The following CYTH4 variants were observed in gnomAD, a reference collection of about 807,000 sequenced individuals.
CYTH4 encodes cytohesin-4.
A neutral mutation model predicts 57.5 loss-of-function variants in CYTH4; 22 were observed. That is an observed-to-expected ratio of 0.38 (90% confidence interval 0.27 to 0.55). The LOEUF (loss-of-function observed/expected upper bound fraction) is 0.55. Ranked by LOEUF, CYTH4 falls within the 20% of genes least tolerant of loss-of-function variation. The pLI is 0.74. For missense variants in CYTH4, 420 were observed against 535.6 expected (o/e 0.78, Z 2.13); for synonymous variants, 186 against 206.5 (o/e 0.90, Z 0.85).
Position 37,311,102 on chromosome 22 carries a change from C to T in CYTH4, c.885+38C>T. The T allele has an allele frequency of 6.2e-7, 1 of 1,607,330 alleles. No homozygotes were observed. Among genetic ancestry groups the T allele is most frequent in the Non-Finnish European group, 8.5e-7 (1 of 1,174,098 alleles). On this transcript the variant is annotated intron_variant, in intron 10 of 12. Transcript: ENST00000248901. The surrounding 1 kb of genome is among the most constrained non-coding windows in gnomAD (Gnocchi z 4.4). ...CTCCTGGGCCTTCCCCTGCCCCCGC[C>T]TCTCCCCGCACAACCCACTTCCCAA...
chr22:37,289,360 G>A lies in CYTH4; in HGVS notation c.20-3261G>A, dbSNP rs545853989. On this transcript the variant is annotated intron_variant, in intron 1 of 12. Transcript: ENST00000248901. ...AAGTGGATGGCCAGGTGCCCTGCCT[G>A]AAGCCCTGCCCCCTGGGAGGACTTG... Among the ~76,000 whole-genome samples the A allele has an allele frequency of 3.3e-5, 5 of 152,312 alleles. No individual in the cohort carries two copies. The East Asian group carries it at 7.7e-4, about 23-fold the overall frequency.
intron 8 of CYTH4, among the ~76,000 whole-genome samples, chr22:37,305,957 A>G (rs550803470): frequency 6.6e-6 from 1 of 152,338 alleles, no homozygotes; most frequent in East Asian, 1.9e-4. Context: ...AGAGTCCCCA[A>G]GAAGCTCAGG....
At chr22:37,297,445 G>A (rs1929016164) in intron 4 of CYTH4, 119 bp from the exon 5 acceptor site, 2 of 842,050 alleles carry the variant, frequency 2.4e-6, no homozygotes, top group Admixed American at 2.0e-5. Flanking sequence ...AGAACAGACT[G>A]TGCCAACACC....
intron 7 of CYTH4, 55 bp downstream of exon 7, chr22:37,301,074 C>A: frequency 6.7e-7 from 1 of 1,493,378 alleles, no homozygotes; most frequent in Non-Finnish European, 9.2e-7. Flanking sequence ...CATTGCCAGG[C>A]ATAGATTTCA....
At chr22:37,304,783 G>C (rs1382471411) in intron 8 of CYTH4, among the ~76,000 whole-genome samples, 1 of 152,200 alleles carries the variant, frequency 6.6e-6, no homozygotes, top group Non-Finnish European at 1.5e-5. Context: ...CCGTTTGCCT[G>C]CTAGGTGACC....
intron 5 of CYTH4, 115 bp from the exon 6 acceptor site, chr22:37,299,111 C>A: frequency 1.4e-6 from 1 of 739,028 alleles, no homozygotes; most frequent in Non-Finnish European, 2.4e-6. Context: ...GGCAGCTGGA[C>A]CCCAGAAGGA....
chr22:37,302,068 T>C (rs1172613613), intron 7 of CYTH4: 1 of 169,126 alleles, frequency 5.9e-6, no homozygotes, highest in Non-Finnish European at 1.5e-5. Flanking sequence ...ACGCATGGAA[T>C]ATAGCTTCAG....
In CYTH4 at chr22:37,312,003, T is replaced by G; in HGVS notation, c.958-17T>G. 6.2e-7 allele frequency: 1 copy of G among 1,608,232 alleles called. No homozygotes were observed. The highest frequency in any genetic ancestry group is 1.1e-5 in the South Asian group (1 of 90,876). On this transcript the variant is annotated splice_polypyrimidine_tract_variant and intron_variant, in intron 11 of 12. Coordinates refer to ENST00000248901, the MANE Select transcript of CYTH4 (RefSeq NM_013385.5). ...GCCTCCCTCTCTTCCCACCCTTGCC[T>G]GGCCACCTCCCCACAGTTCTGCCTG...
chr22:37,289,282 G>T (rs184574206), intron 1 of CYTH4, among the ~76,000 whole-genome samples: 85 of 152,300 alleles, frequency 5.6e-4, no homozygotes, highest in African/African-American at 2.0e-3. Context: ...ATTCACCACT[G>T]CCCATGATGC....
intron 4 of CYTH4, chr22:37,296,300 G>A (rs1335992804): frequency 1.9e-5 from 11 of 568,334 alleles, no homozygotes; most frequent in South Asian, 1.0e-4. Flanking sequence ...AGGAGGCCAC[G>A]GTGTCCATGC....
intron 2 of CYTH4, 27 bp downstream of exon 2, chr22:37,292,730 G>A (rs781070785): frequency 1.6e-5 from 26 of 1,609,020 alleles, no homozygotes; most frequent in Middle Eastern, 3.3e-4. Flanking sequence ...GTCCACACAC[G>A]TGTCCATGCC....
intron 1 of CYTH4, among the ~76,000 whole-genome samples, chr22:37,287,719 G>C (rs1363889344): frequency 6.6e-6 from 1 of 152,218 alleles, no homozygotes. Flanking sequence ...GTGGGGGTCA[G>C]CAAACAAGGG....
chr22:37,287,885 G>A (rs576199265), intron 1 of CYTH4, among the ~76,000 whole-genome samples: 2 of 152,164 alleles, frequency 1.3e-5, no homozygotes, highest in East Asian at 1.9e-4. Context: ...GTGTTTGTGC[G>A]CTTAACGGGT....
Position 37,282,556 on chromosome 22 carries a change from C to T in CYTH4, c.-14C>T. On this transcript the variant is annotated 5_prime_UTR_variant, in exon 1 of 13. Coordinates refer to ENST00000248901, the MANE Select transcript of CYTH4 (RefSeq NM_013385.5). ...GACAGGAGCACGGGTCATCTTTTCC[C>T]CAGAGGCGTCGGAATGGACCTGTGC... 2 of 1,613,842 alleles carry T rather than the reference C, an allele frequency of 1.2e-6. No homozygotes were observed. Among genetic ancestry groups the T allele is most frequent in the Non-Finnish European group, 1.7e-6 (2 of 1,179,896 alleles).
chr22:37,309,255 A>C lies in CYTH4; in HGVS notation c.740A>C (p.Glu247Ala). The change falls in exon 9 of 13, where the codon GAG becomes GCG. Residue 247 changes from glutamate to alanine, a missense_variant. Physicochemically the swap from Glu to Ala is moderately radical, Grantham distance 107. Transcript: ENST00000248901. ...AAGAGTGAGCCATTCTCCATCCCTG[A>C]GGACGACGGCAATGACCTCACTCAC... is the stretch of plus-strand genomic sequence containing the variant. The part of the protein sequence containing the change: ...SIKSEPFSIP[E>A]DDGNDLTHTF... 6.2e-7 allele frequency: 1 copy of C among 1,614,154 alleles called. No individual in the cohort carries two copies. Among genetic ancestry groups the C allele is most frequent in the South Asian group, 1.1e-5 (1 of 91,084 alleles).
intron 12 of CYTH4, among the ~76,000 whole-genome samples, chr22:37,313,216 C>T (rs757670065): frequency 3.9e-5 from 6 of 152,236 alleles, no homozygotes; most frequent in African/African-American, 1.4e-4. Flanking sequence ...AGCTCCTGAT[C>T]GGAGGCCTCA....
intron 8 of CYTH4, among the ~76,000 whole-genome samples, chr22:37,308,514 G>A (rs535412863): frequency 3.3e-5 from 5 of 151,800 alleles, no homozygotes; most frequent in East Asian, 1.9e-4. Flanking sequence ...ATGTGTGAGC[G>A]TGTGTATATG....
intron 1 of CYTH4, among the ~76,000 whole-genome samples, chr22:37,285,617 A>G (rs1039231563): frequency 6.6e-6 from 1 of 152,086 alleles, no homozygotes. Flanking sequence ...AGGCTGAGGC[A>G]GGAGAATCAC....
intron 8 of CYTH4, among the ~76,000 whole-genome samples, chr22:37,306,225 G>C (rs1929388508): frequency 6.6e-6 from 1 of 152,100 alleles, no homozygotes; most frequent in Middle Eastern, 3.2e-3. Context: ...GGAGATAAGG[G>C]GACAAAGAAC....
Sources: gnomAD v4.1 joint callset for allele counts (sites outside exome capture counted in the v4.1 genomes callset) on GRCh38, gnomAD v4.1.1 for gene constraint, Gnocchi (gnomAD v3.1) non-coding constraint, MANE v1.5 for transcripts, NCBI Gene and HGNC (gene_info 2026-07-23, HGNC 2026-07-21) for gene names.